Variants in PCDHA2 observed in about 807,000 individuals in gnomAD.
PCDHA2 encodes protocadherin alpha 2.
PCDHA2 carries 58 observed loss-of-function variants against 66.0 expected under a neutral mutation model. The ratio of observed to expected loss-of-function variants is 0.88; its 90% confidence interval spans 0.71 to 1.09. The LOEUF is 1.09. Ranked by LOEUF, PCDHA2 falls within the 50% of genes least tolerant of loss-of-function variation. PCDHA2 has a pLI of 0.00. For synonymous variants in PCDHA2, 634 were observed against 554.0 expected, an observed-to-expected ratio of 1.14 and a Z score of -2.03; for missense variants, 1,267 against 1,242.3, an observed-to-expected ratio of 1.02 and a Z score of -0.30.
chr5:140,849,905 G>T (rs373526467), intron 1 of PCDHA2: 1 of 1,598,310 alleles, frequency 6.3e-7, no homozygotes, highest in Non-Finnish European at 8.6e-7. Context: ...ACAACCCGCC[G>T]GGCTGCCACA....
At chr5:140,886,623 C>T (rs1273600111) in intron 1 of PCDHA2, among the ~76,000 whole-genome samples, 39 of 151,848 alleles carry the variant, frequency 2.6e-4, no homozygotes, top group Admixed American at 2.4e-3. Flanking sequence ...ATCAGGAGTC[C>T]GAGACCAGCC....
chr5:140,882,451 G>T (rs2059142751), intron 1 of PCDHA2: 4 of 1,613,922 alleles, frequency 2.5e-6, no homozygotes, highest in African/African-American at 1.3e-5. Flanking sequence ...AGCTGGTGCC[G>T]CGCCTGTTCC....
chr5:140,857,220 A>C (rs1554149674), intron 1 of PCDHA2: 1 of 1,598,480 alleles, frequency 6.3e-7, no homozygotes, highest in Admixed American at 1.7e-5. Flanking sequence ...CTGACGCCTC[A>C]CGTTCCGTTC....
chr5:140,939,488 T>C (rs1554212750), intron 1 of PCDHA2, among the ~76,000 whole-genome samples: 1 of 151,188 alleles, frequency 6.6e-6, no homozygotes, highest in Non-Finnish European at 1.5e-5. Flanking sequence ...AGAATGTTAA[T>C]TATAAATTCA....
intron 1 of PCDHA2, chr5:140,814,509 A>G (rs2126656172): frequency 2.6e-5 from 4 of 151,954 alleles, no homozygotes; most frequent in Non-Finnish European, 5.9e-5. Flanking sequence ...GTAAAATACC[A>G]CTAAAAAGTA....
At chr5:140,878,552 C>A (rs1035509057) in intron 1 of PCDHA2, among the ~76,000 whole-genome samples, 1 of 152,130 alleles carries the variant, frequency 6.6e-6, no homozygotes, top group Non-Finnish European at 1.5e-5. Flanking sequence ...TTCAGATGAT[C>A]CCAAACTTAT....
intron 1 of PCDHA2, chr5:140,807,246 T>G (rs1554123817): frequency 3.1e-6 from 5 of 1,614,008 alleles, no homozygotes; most frequent in Non-Finnish European, 4.2e-6. Flanking sequence ...TTACTTCTTC[T>G]CCTCGCAGCC....
intron 1 of PCDHA2, among the ~76,000 whole-genome samples, chr5:140,942,913 G>GA (rs58669311): frequency 1.5e-4 from 23 of 148,948 alleles, no homozygotes; most frequent in Middle Eastern, 3.5e-3. Flanking sequence ...TAAGCGTGAA[G>GA]AAAAAAAAAA....
intron 1 of PCDHA2, chr5:140,803,821 G>T: frequency 1.5e-6 from 1 of 658,616 alleles, no homozygotes; most frequent in Non-Finnish European, 2.5e-6. Flanking sequence ...TTGTTATTAG[G>T]TGCAGTAGTA....
At chr5:140,977,141 C>T (rs1264237183) in intron 1 of PCDHA2, among the ~76,000 whole-genome samples, 1 of 152,204 alleles carries the variant, frequency 6.6e-6, no homozygotes, top group Non-Finnish European at 1.5e-5. Flanking sequence ...GTCAGTCCTG[C>T]TGGAACTGTG....
intron 1 of PCDHA2, chr5:140,805,559 A>G: frequency 1.0e-6 from 1 of 976,686 alleles, no homozygotes; most frequent in African/African-American, 1.7e-5. Context: ...TATAGGAGGC[A>G]AGGAAAGTTT....
At chr5:140,946,868 T>C (rs1468330981) in intron 1 of PCDHA2, among the ~76,000 whole-genome samples, 1 of 151,412 alleles carries the variant, frequency 6.6e-6, no homozygotes, top group Admixed American at 6.6e-5. Context: ...GAGAGGTTGG[T>C]CAATGGGTAC....
intron 1 of PCDHA2, among the ~76,000 whole-genome samples, chr5:140,938,877 ACACACACACACACAGATGCG>A (rs1350432569): frequency 6.6e-6 from 1 of 150,854 alleles, no homozygotes; most frequent in Non-Finnish European, 1.5e-5. Flanking sequence ...TTAAGAAGCA[ACACACACACACACAGATGCG>A]CACACACACA....
chr5:140,848,904 CAA>C, intron 1 of PCDHA2: 1 of 1,608,060 alleles, frequency 6.2e-7, no homozygotes. Flanking sequence ...CCCAGCGACA[CAA>C]AAGAATCTGT....
chr5:140,852,300 C>T (rs1056866634), intron 1 of PCDHA2: 15 of 446,010 alleles, frequency 3.4e-5, no homozygotes, highest in East Asian at 3.0e-4. Context: ...TTTTCTGAGA[C>T]GGAGTCGTTT....
At chr5:140,885,174 A>G (rs568198348) in intron 1 of PCDHA2, among the ~76,000 whole-genome samples, 11 of 152,108 alleles carry the variant, frequency 7.2e-5, no homozygotes, top group African/African-American at 2.6e-4. Context: ...TTTGTCCTCT[A>G]GGCACATCAG....
intron 1 of PCDHA2, chr5:140,807,857 G>T (rs782193088): frequency 6.8e-6 from 11 of 1,614,030 alleles, no homozygotes; most frequent in Non-Finnish European, 7.6e-6. Flanking sequence ...CGAGTTGACT[G>T]GCACCGTTCA....
chr5:140,967,100 G>A, intron 1 of PCDHA2: 1 of 1,613,092 alleles, frequency 6.2e-7, no homozygotes, highest in Non-Finnish European at 8.5e-7. Context: ...GGCGCTGTGT[G>A]AGCAGCGGCC....
intron 1 of PCDHA2, chr5:140,968,853 A>G (rs782470050): frequency 3.7e-6 from 6 of 1,614,108 alleles, no homozygotes; most frequent in Non-Finnish European, 4.2e-6. Context: ...AGGCATGTTA[A>G]GAGCCCTCGG....
Sources: allele counts gnomAD v4.1 joint callset (sites outside exome capture counted in the v4.1 genomes callset), GRCh38; gene constraint gnomAD v4.1.1; transcripts MANE v1.5; gene names NCBI Gene and HGNC (gene_info 2026-07-23, HGNC 2026-07-21).